Variants in PFDN4 observed in about 807,000 individuals in gnomAD.
PFDN4 encodes prefoldin subunit 4, also known as prefoldin 4.
In PFDN4, 6 loss-of-function variants were observed where a neutral mutation model predicts 17.6. That is an observed-to-expected ratio of 0.34 (90% CI 0.19 to 0.67). PFDN4 has a LOEUF of 0.67. PFDN4 is among the 30% of genes least tolerant of loss of function. The probability of loss-of-function intolerance (pLI) is 0.68; values close to 1 mark genes in which losing one functional copy is unlikely to be tolerated. For missense variants in PFDN4, 119 were observed against 158.4 expected, an observed-to-expected ratio of 0.75 and a Z score of 1.33; for synonymous variants, 48 against 51.1, an observed-to-expected ratio of 0.94 and a Z score of 0.26.
chr20:54,218,544 T>G (rs2092765676), intron 3 of PFDN4, among the ~76,000 whole-genome samples: 1 of 152,208 alleles, frequency 6.6e-6, no homozygotes, highest in African/African-American at 2.4e-5. Flanking sequence ...TTCCAAAGTT[T>G]AGCTCCAGAG....
rs574669918 is a variant in PFDN4 at position 54,213,065 on chromosome 20, T to G, written c.25-1286T>G. Among the ~76,000 whole-genome samples, 19 of 152,352 alleles carry G rather than the reference T, an allele frequency of 1.2e-4. No individual in the cohort carries two copies. In the South Asian group the frequency reaches 3.5e-3, roughly 28 times the overall value. ...AGCTCTGTATTGCTTGACACTGCCT[T>G]TCAACCTCTGAGAAATAAAAGTTCA... is the stretch of plus-strand genomic sequence containing the variant. On this transcript the variant is annotated intron_variant, in intron 1 of 3. Coordinates refer to ENST00000371419, the MANE Select transcript of PFDN4 (RefSeq NM_002623.4).
chr20:54,209,906 C>T (rs1452814651), intron 1 of PFDN4, among the ~76,000 whole-genome samples: 1 of 152,114 alleles, frequency 6.6e-6, no homozygotes, highest in East Asian at 1.9e-4. Context: ...ACGTATGTTC[C>T]AGGGCAGAGC....
intron 3 of PFDN4, among the ~76,000 whole-genome samples, chr20:54,216,746 T>C (rs1021501465): frequency 6.6e-6 from 1 of 152,154 alleles, no homozygotes; most frequent in African/African-American, 2.4e-5. Context: ...AACGTCTGCC[T>C]CCTGGGTTCA....
Position 54,208,168 on chromosome 20 carries a change from A to C in PFDN4, c.24+44A>C, listed in dbSNP as rs201267191. On this transcript the variant is annotated intron_variant, in intron 1 of 3. Transcript: ENST00000371419. Reference sequence around the variant, plus strand: ...GCTCTGGATGCTCGGGCGGCGCCGGATCTCGGCCGCTGGGGCCCGGGCGCG... The same window carrying C: ...GCTCTGGATGCTCGGGCGGCGCCGGCTCTCGGCCGCTGGGGCCCGGGCGCG... 1,205 of 1,501,958 alleles carry C rather than the reference A, an allele frequency of 8.0e-4. 1 individual carries two copies. The highest frequency in any genetic ancestry group is 1.0e-3 in the Non-Finnish European group (1,129 of 1,122,338). The allele number at this position is 1,501,958 out of a possible 1,614,324, so 93.0% of individuals were successfully genotyped here. A position where few individuals can be genotyped will look rare whatever the true frequency, so the allele number is the denominator to read the frequency against.
intron 1 of PFDN4, among the ~76,000 whole-genome samples, chr20:54,211,961 G>A (rs1477824266): frequency 1.3e-5 from 2 of 152,182 alleles, no homozygotes; most frequent in Non-Finnish European, 2.9e-5. Flanking sequence ...GGGAGGCCGA[G>A]GCTGGTGGAT....
chr20:54,215,530 T>G, intron 3 of PFDN4, 90 bp downstream of exon 3: 1 of 796,918 alleles, frequency 1.3e-6, no homozygotes, highest in Non-Finnish European at 1.9e-6. Flanking sequence ...ATGCTAGCTA[T>G]AGCTAATATT....
chr20:54,217,712 G>A (rs191852917), intron 3 of PFDN4, among the ~76,000 whole-genome samples: 20 of 152,222 alleles, frequency 1.3e-4, no homozygotes, highest in African/African-American at 4.3e-4. Flanking sequence ...TTGGACTTGC[G>A]ATATTAAAAT....
Position 54,219,523 on chromosome 20 carries a change from G to T in PFDN4, c.*373G>T. 2.6e-6 allele frequency: 1 copy of T among 391,130 alleles called. No homozygotes were observed. The highest frequency in any genetic ancestry group is 1.3e-4 in the South Asian group (1 of 7,852). The allele number at this position is 391,130 out of a possible 1,614,324, so 24.2% of individuals were successfully genotyped here. On this transcript the variant is annotated 3_prime_UTR_variant, in exon 4 of 4. Transcript: ENST00000371419. ...TGATTTTAATTGCTGTCTAATGACG[G>T]GGAAAGCACGATGAAAAGATGTACA...
At chr20:54,217,950 A>G (rs1166723547) in intron 3 of PFDN4, among the ~76,000 whole-genome samples, 1 of 152,224 alleles carries the variant, frequency 6.6e-6, no homozygotes, top group African/African-American at 2.4e-5. Context: ...GTAGGGCCCC[A>G]GAATGTGTAT....
intron 1 of PFDN4, among the ~76,000 whole-genome samples, chr20:54,210,418 A>C (rs2092754227): frequency 6.6e-6 from 1 of 152,160 alleles, no homozygotes; most frequent in Non-Finnish European, 1.5e-5. Flanking sequence ...AGTGAGAGTG[A>C]AACAGAGAGA....
At chr20:54,212,724 C>G (rs2092757634) in intron 1 of PFDN4, among the ~76,000 whole-genome samples, 1 of 152,222 alleles carries the variant, frequency 6.6e-6, no homozygotes, top group African/African-American at 2.4e-5. Flanking sequence ...ATGGCATATA[C>G]TCTTCAGGCA....
At chr20:54,214,504 G>A (rs964194475) in intron 2 of PFDN4, 46 bp downstream of exon 2, 5 of 857,774 alleles carry the variant, frequency 5.8e-6, no homozygotes, top group African/African-American at 1.7e-5. Context: ...TTATACTATA[G>A]CTACTAAAAC....
At chr20:54,214,762 C>G (rs1319822434) in intron 2 of PFDN4, among the ~76,000 whole-genome samples, 1 of 152,164 alleles carries the variant, frequency 6.6e-6, no homozygotes, top group Non-Finnish European at 1.5e-5. Flanking sequence ...AGGAAGCCAC[C>G]CTTGCAGACT....
At chr20:54,217,713 A>G (rs2146543616) in intron 3 of PFDN4, among the ~76,000 whole-genome samples, 1 of 152,328 alleles carries the variant, frequency 6.6e-6, no homozygotes, top group Non-Finnish European at 1.5e-5. Context: ...TGGACTTGCG[A>G]TATTAAAATG....
chr20:54,216,276 G>A (rs1026279602), intron 3 of PFDN4, among the ~76,000 whole-genome samples: 5 of 152,176 alleles, frequency 3.3e-5, no homozygotes, highest in African/African-American at 9.7e-5. Flanking sequence ...GGACAGCCAC[G>A]TTGTTTGTCT....
chr20:54,212,990 T>G (rs758229191), intron 1 of PFDN4, among the ~76,000 whole-genome samples: 1 of 152,246 alleles, frequency 6.6e-6, no homozygotes, highest in Non-Finnish European at 1.5e-5. Context: ...AATTGTTTCT[T>G]GGAATGAGAG....
Position 54,217,104 on chromosome 20 carries a change from A to G in PFDN4, c.273+1664A>G, listed in dbSNP as rs1008393179. ...TGCATGGAGCATATAGTCTAGATGG[A>G]AAGAAAAAAAAGTAAACAAAACTGA... is the stretch of plus-strand genomic sequence containing the variant. On this transcript the variant is annotated intron_variant, in intron 3 of 3. Transcript: ENST00000371419. 3.3e-5 allele frequency among the ~76,000 whole-genome samples: 5 copies of G among 152,188 alleles called. No individual in the cohort carries two copies. The South Asian group carries it at 8.3e-4, about 25-fold the overall frequency.
intron 1 of PFDN4, among the ~76,000 whole-genome samples, chr20:54,210,106 G>A (rs116599912): frequency 1.3e-3 from 193 of 152,344 alleles, no homozygotes; most frequent in African/African-American, 3.7e-3. Flanking sequence ...GATAGGGAGC[G>A]AAGCATTCTA....
intron 1 of PFDN4, among the ~76,000 whole-genome samples, chr20:54,211,651 T>C (rs1056058167): frequency 2.0e-5 from 3 of 152,192 alleles, no homozygotes; most frequent in African/African-American, 7.2e-5. Flanking sequence ...CCACTCTGTG[T>C]GCTGCCTCAG....
Sources: allele counts gnomAD v4.1 joint callset (sites outside exome capture counted in the v4.1 genomes callset), GRCh38; gene constraint gnomAD v4.1.1; transcripts MANE v1.5; gene names NCBI Gene and HGNC (gene_info 2026-07-23, HGNC 2026-07-21).